Variants in KALRN observed in about 807,000 individuals in gnomAD.
The protein encoded by KALRN is kalirin RhoGEF kinase.
KALRN carries 70 observed loss-of-function variants against 353.7 expected under a neutral mutation model. The ratio of observed to expected loss-of-function variants is 0.20; its 90% CI spans 0.16 to 0.24. The LOEUF is 0.24. Among genes scored for constraint, KALRN ranks in the 10% least tolerant of loss-of-function variants. The probability of loss-of-function intolerance (pLI) is 1.00; values close to 1 mark genes in which losing one functional copy is unlikely to be tolerated. For missense variants in KALRN, 2,791 were observed against 3,756.7 expected (o/e 0.74, Z 6.72); for synonymous variants, 1,391 against 1,434.8 (o/e 0.97, Z 0.69).
At chr3:124,701,977 T>A in intron 56 of KALRN, 61 bp from the exon 57 acceptor site, 1 of 1,364,828 alleles carries the variant, frequency 7.3e-7, no homozygotes, top group Non-Finnish European at 1.0e-6. Context: ...TTTCTGTTAA[T>A]TTTTTCTTTA....
intron 33 of KALRN, among the ~76,000 whole-genome samples, chr3:124,498,579 T>A (rs528044362): frequency 6.6e-6 from 1 of 152,318 alleles, no homozygotes; most frequent in African/African-American, 2.4e-5. Flanking sequence ...TTTTTAAATA[T>A]GCTAAAGAAA....
intron 6 of KALRN, among the ~76,000 whole-genome samples, chr3:124,308,087 A>AAAG (rs776800596): frequency 6.6e-6 from 1 of 152,020 alleles, no homozygotes; most frequent in Non-Finnish European, 1.5e-5. Flanking sequence ...GCAACTTTTT[A>AAAG]AAGAAGAAGA....
At chr3:124,037,204 C>G (rs2039508197) in intron 1 of KALRN, among the ~76,000 whole-genome samples, 1 of 152,212 alleles carries the variant, frequency 6.6e-6, no homozygotes, top group Admixed American at 6.5e-5. Context: ...GGTCTCTGTC[C>G]TCAAAGAACT....
chr3:124,448,934 T>C (rs760051964), intron 21 of KALRN, among the ~76,000 whole-genome samples: 5 of 152,226 alleles, frequency 3.3e-5, no homozygotes, highest in Non-Finnish European at 5.9e-5. Flanking sequence ...TTATATTTAA[T>C]ATGAATCTTC....
chr3:124,054,259 C>T (rs1205244903), intron 1 of KALRN, among the ~76,000 whole-genome samples: 1 of 151,772 alleles, frequency 6.6e-6, no homozygotes, highest in Non-Finnish European at 1.5e-5. Context: ...GTTGTGGCTT[C>T]CACCTATAAT....
rs768773949 is a variant in KALRN, at chr3:124,436,538, CAT to C, written c.3048+2014_3048+2015del. 1.6e-3 allele frequency among the ~76,000 whole-genome samples: 238 copies of C among 151,730 alleles called. 1 individual carries two copies. Among genetic ancestry groups the C allele is most frequent in the Non-Finnish European group, 2.5e-3 (167 of 67,950 alleles). On this transcript the variant is annotated intron_variant, in intron 17 of 59. Coordinates refer to ENST00000682506, the MANE Select transcript of KALRN (RefSeq NM_001388419.1). ...CCTCAAGTTTGATGACAGATCTTCT[CAT>C]GTGATGCTAGAGATGGGACTGGAGA...
chr3:124,034,424 C>A (rs530195185), intron 1 of KALRN, among the ~76,000 whole-genome samples: 3 of 152,242 alleles, frequency 2.0e-5, no homozygotes, highest in Middle Eastern at 3.4e-3. Context: ...CGGACCTCCC[C>A]CTTGTCCTCC....
intron 5 of KALRN, among the ~76,000 whole-genome samples, chr3:124,277,042 G>T (rs1414233656): frequency 6.6e-6 from 1 of 152,236 alleles, no homozygotes. Flanking sequence ...ACAGATGGTG[G>T]CATGTGCCAG....
chr3:124,260,767 T>A (rs2072740041), intron 3 of KALRN, among the ~76,000 whole-genome samples: 1 of 152,162 alleles, frequency 6.6e-6, no homozygotes, highest in African/African-American at 2.4e-5. Flanking sequence ...CACTCAGAGC[T>A]GCACTCTCTT....
chr3:124,356,390 A>G (rs554888828), intron 10 of KALRN, among the ~76,000 whole-genome samples: 31 of 142,526 alleles, frequency 2.2e-4, no homozygotes, highest in Non-Finnish European at 4.0e-4. Context: ...CTGGAGTGCA[A>G]TGGCGCGATT....
intron 1 of KALRN, among the ~76,000 whole-genome samples, chr3:124,201,978 G>T (rs554520094): frequency 2.6e-5 from 4 of 152,184 alleles, no homozygotes; most frequent in African/African-American, 9.6e-5. Flanking sequence ...ATGGGGCCAG[G>T]CTGGGCCAGA....
chr3:124,702,197 T>C (rs956864708), intron 57 of KALRN, 81 bp downstream of exon 57: 1 of 844,770 alleles, frequency 1.2e-6, no homozygotes, highest in African/African-American at 1.7e-5. Flanking sequence ...GTTGTTGTCA[T>C]TGTTTATTTC....
intron 5 of KALRN, among the ~76,000 whole-genome samples, chr3:124,278,719 CT>C (rs2075038943): frequency 6.6e-6 from 1 of 152,150 alleles, no homozygotes; most frequent in African/African-American, 2.4e-5. Flanking sequence ...TGCCCCATCA[CT>C]GGGCAAAGTA....
At chr3:124,623,399 T>TACACACACAC (rs372330681) in intron 34 of KALRN, among the ~76,000 whole-genome samples, 110 of 136,514 alleles carry the variant, frequency 8.1e-4, no homozygotes, top group African/African-American at 1.9e-3. Flanking sequence ...TATTTATTTA[T>TACACACACAC]ACACACACAC....
chr3:124,185,559 C>T (rs759756154), intron 1 of KALRN, among the ~76,000 whole-genome samples: 57 of 152,196 alleles, frequency 3.7e-4, no homozygotes, highest in Non-Finnish European at 7.3e-4. Context: ...TGAGGACTCG[C>T]CTTCCTTGGC....
intron 45 of KALRN, among the ~76,000 whole-genome samples, chr3:124,662,709 A>G (rs2085051331): frequency 1.3e-5 from 2 of 152,236 alleles, no homozygotes; most frequent in Non-Finnish European, 2.9e-5. Flanking sequence ...TTAAGTGAAC[A>G]TACAAGTTTA....
intron 3 of KALRN, among the ~76,000 whole-genome samples, chr3:124,256,563 G>T (rs1481094111): frequency 6.6e-6 from 1 of 152,126 alleles, no homozygotes; most frequent in African/African-American, 2.4e-5. Context: ...CTTCAATAGT[G>T]GGCTGCTAAA....
rs1379938961 is a variant in KALRN, at chr3:124,695,462, G to T, written c.7578-672G>T. ...GAGGCCAGGTCATAAAATATCAGTGGGTCCAAGAAGCCTAGTGTGAGACGC... is the reference window on the plus strand; with the variant it reads ...GAGGCCAGGTCATAAAATATCAGTGTGTCCAAGAAGCCTAGTGTGAGACGC... On this transcript the variant is annotated intron_variant, in intron 53 of 59. Transcript: ENST00000682506. Among the ~76,000 whole-genome samples the T allele has an allele frequency of 3.3e-5, 5 of 152,106 alleles. No homozygotes were observed. The South Asian group carries it at 1.0e-3, about 32-fold the overall frequency.
chr3:124,708,254 G>C (rs1279211302), intron 57 of KALRN, among the ~76,000 whole-genome samples: 4 of 152,090 alleles, frequency 2.6e-5, no homozygotes, highest in African/African-American at 9.7e-5. Context: ...ATTACAAAAA[G>C]CAGAAAAAAC....
Sources: allele counts gnomAD v4.1 joint callset (sites outside exome capture counted in the v4.1 genomes callset), GRCh38; gene constraint gnomAD v4.1.1; transcripts MANE v1.5; gene names NCBI Gene and HGNC (gene_info 2026-07-23, HGNC 2026-07-21).